Variants in DAPK1 observed in about 807,000 individuals in gnomAD.
The protein encoded by DAPK1 is death associated protein kinase 1.
A neutral mutation model predicts 144.9 loss-of-function variants in DAPK1; 56 were observed. That is an observed-to-expected ratio of 0.39 (90% CI 0.31 to 0.48). The LOEUF (loss-of-function observed/expected upper bound fraction) is 0.48, where lower values mean the gene tolerates loss of function less well. Ranked by LOEUF, DAPK1 falls within the 20% of genes least tolerant of loss-of-function variation. The pLI is 0.95. For synonymous variants in DAPK1, 690 were observed against 749.0 expected (o/e 0.92, Z 1.29); for missense variants, 1,454 against 1,875.4 (o/e 0.78, Z 4.15).
At chr9:87,559,210 T>A (rs1321577443) in intron 2 of DAPK1, among the ~76,000 whole-genome samples, 1 of 152,128 alleles carries the variant, frequency 6.6e-6, no homozygotes, top group Non-Finnish European at 1.5e-5. Flanking sequence ...GAAATTAAGG[T>A]AGAGGTAATG....
chr9:87,568,846 G>A (rs1013563066), intron 2 of DAPK1, among the ~76,000 whole-genome samples: 1 of 152,192 alleles, frequency 6.6e-6, no homozygotes, highest in East Asian at 1.9e-4. Context: ...CCCTGGGTGG[G>A]AAAGGGGAGC....
At chr9:87,524,921 A>G (rs1825433598) in intron 2 of DAPK1, among the ~76,000 whole-genome samples, 1 of 152,194 alleles carries the variant, frequency 6.6e-6, no homozygotes, top group Admixed American at 6.5e-5. Context: ...GAAATAAAAG[A>G]CTACAAATGG....
chr9:87,566,826 G>A (rs1273530172), intron 2 of DAPK1, among the ~76,000 whole-genome samples: 1 of 152,220 alleles, frequency 6.6e-6, no homozygotes, highest in African/African-American at 2.4e-5. Context: ...CAGGCCAACC[G>A]TGTTTCTTTG....
Position 87,638,062 on chromosome 9 carries a change from T to A in DAPK1, c.404T>A (p.Ile135Asn). The A allele has an allele frequency of 6.2e-7, 1 of 1,612,664 alleles. No individual in the cohort carries two copies. The highest frequency in any genetic ancestry group is 8.5e-7 in the Non-Finnish European group (1 of 1,178,794). ...NGVYYLHSLQ[I>N]AHFDLKPENI... is the part of the protein sequence containing the mutation. ...GTTTACTACCTGCACTCCCTTCAAA[T>A]CGCCCACTTTGATCTTAAGGTACGT... is the stretch of plus-strand genomic sequence containing the variant. The change falls in exon 4 of 26, where the codon ATC becomes AAC. Residue 135 changes from isoleucine to asparagine, a missense_variant. Ile to Asn is a moderately radical substitution (Grantham distance 149). This residue lies in a region of DAPK1 where 429 missense variants were observed against 637.5 expected (regional missense o/e 0.67). Coordinates refer to ENST00000408954, the MANE Select transcript of DAPK1 (RefSeq NM_004938.4).
intron 2 of DAPK1, among the ~76,000 whole-genome samples, chr9:87,545,633 G>A (rs1321575524): frequency 6.6e-6 from 1 of 152,094 alleles, no homozygotes; most frequent in African/African-American, 2.4e-5. Context: ...TGCAACCTCT[G>A]CCTCCCGGGT....
At chr9:87,701,257 G>T (rs538397013) in intron 24 of DAPK1, among the ~76,000 whole-genome samples, 1 of 152,172 alleles carries the variant, frequency 6.6e-6, no homozygotes, top group Non-Finnish European at 1.5e-5. Context: ...AAATAAAGTT[G>T]GATTCCTACA....
At chr9:87,557,502 A>G (rs867687192) in intron 2 of DAPK1, among the ~76,000 whole-genome samples, 2 of 152,216 alleles carry the variant, frequency 1.3e-5, no homozygotes, top group Admixed American at 6.5e-5. Flanking sequence ...AATAATATTA[A>G]ATGGTCAGTA....
chr9:87,600,476 C>A (rs933195005), intron 2 of DAPK1, among the ~76,000 whole-genome samples: 1 of 152,092 alleles, frequency 6.6e-6, no homozygotes, highest in South Asian at 2.1e-4. Context: ...TCCTGTAGTT[C>A]CAGCTGCTCT....
rs376427274 is a variant in DAPK1 at position 87,499,035 on chromosome 9, G to C, written c.-43G>C. 109 of 1,588,960 alleles carry C rather than the reference G, an allele frequency of 6.9e-5. No individual in the cohort carries two copies. The highest frequency in any genetic ancestry group is 8.9e-5 in the Non-Finnish European group (103 of 1,157,304). On this transcript the variant is annotated 5_prime_UTR_variant, in exon 2 of 26. Coordinates refer to ENST00000408954, the MANE Select transcript of DAPK1 (RefSeq NM_004938.4). ...AGCGGTGGTGATGGTCTGGGAAGCG[G>C]AGCTGAAGTGCCCTGGGCTTTGGTG...
At chr9:87,626,473 C>T (rs1026591831) in intron 3 of DAPK1, among the ~76,000 whole-genome samples, 9 of 152,184 alleles carry the variant, frequency 5.9e-5, no homozygotes, top group East Asian at 1.9e-4. Context: ...CAAGTGAGGA[C>T]GCGAAGCCAA....
At chr9:87,580,776 A>G (rs559210451) in intron 2 of DAPK1, among the ~76,000 whole-genome samples, 1 of 152,234 alleles carries the variant, frequency 6.6e-6, no homozygotes, top group East Asian at 1.9e-4. Context: ...TGTAAAGAAG[A>G]CATATACGAG....
intron 2 of DAPK1, among the ~76,000 whole-genome samples, chr9:87,599,838 C>G (rs1828448801): frequency 6.6e-6 from 1 of 152,200 alleles, no homozygotes; most frequent in African/African-American, 2.4e-5. Flanking sequence ...TTGTGAGTCT[C>G]TGGTCAAATC....
rs758563684 is a variant in DAPK1, at chr9:87,639,391, A to C, written c.461A>C (p.Lys154Thr). The C allele has an allele frequency of 1.2e-6, 2 of 1,611,754 alleles. No individual in the cohort carries two copies. Among genetic ancestry groups the C allele is most frequent in the Middle Eastern group, 1.6e-4 (1 of 6,074 alleles). The change falls in exon 5 of 26, where the codon AAA (lysine) becomes ACA (threonine). Residue 154 changes from lysine (K) to threonine (T), a missense_variant. Lys to Thr is a moderately conservative substitution (Grantham distance 78). Transcript: ENST00000408954. ...NIMLLDRNVP[K>T]PRIKIIDFGL... ...ATGCTTTTGGATAGAAATGTCCCCA[A>C]ACCTCGGATCAAGATCATTGACTTT... is the stretch of plus-strand genomic sequence containing the variant.
chr9:87,632,316 A>G (rs1315366477), intron 3 of DAPK1: 6 of 983,212 alleles, frequency 6.1e-6, no homozygotes, highest in Non-Finnish European at 7.2e-6. Context: ...AAGGAAGATG[A>G]GTATACATGT....
chr9:87,647,193 C>G (rs1332158062), intron 13 of DAPK1, 112 bp from the exon 14 acceptor site: 1 of 848,060 alleles, frequency 1.2e-6, no homozygotes, highest in Non-Finnish European at 2.0e-6. Context: ...GGAAGTTGCT[C>G]CTCTGGGGTT....
chr9:87,529,988 C>T (rs1043086073), intron 2 of DAPK1, among the ~76,000 whole-genome samples: 4 of 152,206 alleles, frequency 2.6e-5, no homozygotes, highest in Admixed American at 2.6e-4. Flanking sequence ...AGAACCCCTG[C>T]TTCCTCATTA....
intron 21 of DAPK1, among the ~76,000 whole-genome samples, chr9:87,690,576 A>C (rs759253294): frequency 3.3e-5 from 5 of 151,948 alleles, no homozygotes; most frequent in Non-Finnish European, 5.9e-5. Flanking sequence ...TGTAGGGGGC[A>C]TTCTTGTCTT....
intron 2 of DAPK1, among the ~76,000 whole-genome samples, chr9:87,572,804 C>A (rs924609122): frequency 2.6e-5 from 4 of 152,112 alleles, no homozygotes; most frequent in Admixed American, 2.6e-4. Flanking sequence ...TCAGGTATTT[C>A]TTTCTTGCAT....
intron 2 of DAPK1, among the ~76,000 whole-genome samples, chr9:87,570,274 CTCTG>C (rs982925233): frequency 1.3e-5 from 2 of 152,160 alleles, no homozygotes; most frequent in Non-Finnish European, 1.5e-5. Context: ...GTTTATGCCT[CTCTG>C]TCTAATAGAA....
Sources: gnomAD v4.1 joint callset for allele counts (sites outside exome capture counted in the v4.1 genomes callset) on GRCh38, gnomAD v4.1.1 for gene constraint, gnomAD v4.1.1 regional missense constraint, MANE v1.5 for transcripts, NCBI Gene and HGNC (gene_info 2026-07-23, HGNC 2026-07-21) for gene names.